Variants in SLC25A21 observed in about 807,000 individuals in gnomAD.
SLC25A21 encodes solute carrier family 25 member 21, also known as mitochondrial 2-oxodicarboxylate carrier.
Under a neutral mutation model 43.8 loss-of-function variants are expected in SLC25A21, and 47 were observed. The observed-to-expected ratio is 1.07, with a 90% CI of 0.85 to 1.37. The LOEUF (loss-of-function observed/expected upper bound fraction) is 1.37. Among genes scored for constraint, SLC25A21 ranks in the 40% most tolerant of loss-of-function variants. SLC25A21 has a pLI of 0.00. For synonymous variants in SLC25A21, 131 were observed against 121.3 expected (o/e 1.08, Z -0.52); for missense variants, 352 against 350.2 (o/e 1.00, Z -0.04).
chr14:36,992,417 T>A (rs1189348066), intron 1 of SLC25A21, among the ~76,000 whole-genome samples: 2 of 148,182 alleles, frequency 1.3e-5, no homozygotes, highest in African/African-American at 4.9e-5. Context: ...TATAAAAAAA[T>A]AAATAAATAA....
intron 1 of SLC25A21, among the ~76,000 whole-genome samples, chr14:37,052,037 T>G (rs930944174): frequency 6.6e-6 from 1 of 152,184 alleles, no homozygotes; most frequent in Non-Finnish European, 1.5e-5. Context: ...TGCTTTACAC[T>G]GTGGCTTTAT....
At chr14:36,802,518 A>C (rs1887902083) in intron 3 of SLC25A21, among the ~76,000 whole-genome samples, 1 of 152,206 alleles carries the variant, frequency 6.6e-6, no homozygotes, top group African/African-American at 2.4e-5. Context: ...TCCATATTAC[A>C]AATGAGAAAA....
intron 1 of SLC25A21, among the ~76,000 whole-genome samples, chr14:36,935,160 TAG>T (rs1322757829): frequency 4.6e-5 from 7 of 152,178 alleles, no homozygotes; most frequent in African/African-American, 1.4e-4. Flanking sequence ...CTGGCTGGTA[TAG>T]AGTTTCTAAC....
At chr14:36,868,311 C>T (rs1030975346) in intron 2 of SLC25A21, among the ~76,000 whole-genome samples, 1 of 152,074 alleles carries the variant, frequency 6.6e-6, no homozygotes, top group Non-Finnish European at 1.5e-5. Context: ...ATAAACAGAA[C>T]TATAAAACAA....
intron 1 of SLC25A21, among the ~76,000 whole-genome samples, chr14:37,142,715 G>A (rs1313110870): frequency 6.6e-6 from 1 of 152,066 alleles, no homozygotes; most frequent in Non-Finnish European, 1.5e-5. Flanking sequence ...AATTACCTCC[G>A]AGGATACACA....
chr14:36,687,173 G>A (rs1240836721), intron 7 of SLC25A21, among the ~76,000 whole-genome samples: 3 of 152,104 alleles, frequency 2.0e-5, no homozygotes, highest in Non-Finnish European at 2.9e-5. Flanking sequence ...GGCTGCTCTC[G>A]AACTCCTGAC....
intron 1 of SLC25A21, among the ~76,000 whole-genome samples, chr14:37,167,006 A>C (rs188766906): frequency 1.8e-4 from 28 of 152,328 alleles, no homozygotes; most frequent in Admixed American, 1.6e-3. Flanking sequence ...TAGCTTCAAA[A>C]AAGAAAAAAA....
At chr14:36,702,581 T>C (rs1017001201) in intron 7 of SLC25A21, among the ~76,000 whole-genome samples, 3 of 152,106 alleles carry the variant, frequency 2.0e-5, no homozygotes, top group Non-Finnish European at 2.9e-5. Context: ...AGAATACTTG[T>C]TTATAAATTC....
chr14:37,135,105 T>C (rs566257912), intron 1 of SLC25A21, among the ~76,000 whole-genome samples: 10 of 152,060 alleles, frequency 6.6e-5, no homozygotes, highest in Non-Finnish European at 8.8e-5. Flanking sequence ...TTCTTGTACT[T>C]TTAGTAGAGA....
At chr14:36,989,671 C>T (rs187031448) in intron 1 of SLC25A21, among the ~76,000 whole-genome samples, 4 of 152,184 alleles carry the variant, frequency 2.6e-5, no homozygotes, top group Non-Finnish European at 4.4e-5. Flanking sequence ...TCATTTGGGG[C>T]CATGTTGGGA....
intron 1 of SLC25A21, among the ~76,000 whole-genome samples, chr14:37,122,015 T>C (rs1180889426): frequency 2.6e-5 from 4 of 152,140 alleles, no homozygotes; most frequent in East Asian, 3.9e-4. Context: ...CAGTTTTATA[T>C]AACATTTTTA....
At position 36,684,898 on chromosome 14, in the gene SLC25A21, AT is replaced by A; in HGVS notation, c.630del (p.Lys210AsnfsTer11). 1 of 1,609,606 alleles carries A rather than the reference AT, an allele frequency of 6.2e-7. No homozygotes were observed. The highest frequency in any genetic ancestry group is 8.5e-7 in the Non-Finnish European group (1 of 1,178,936). ...NKDPILEFWR[K>X]FGIGLLSGTI... is the part of the protein sequence containing the mutation. ...GTCCCCGAGAGAAGACCAATCCCAA[AT>A]TTTCTCCAAAACTCCAAGATTGGAT... On this transcript the variant is annotated frameshift_variant, in exon 8 of 10. Coordinates refer to ENST00000331299, the MANE Select transcript of SLC25A21 (RefSeq NM_030631.4). LOFTEE classifies it high-confidence loss of function.
At position 36,680,583 on chromosome 14, in the gene SLC25A21, C is replaced by CGAT; in HGVS notation, c.*72_*74dup. On this transcript the variant is annotated 3_prime_UTR_variant, in exon 10 of 10. Coordinates refer to ENST00000331299, the MANE Select transcript of SLC25A21 (RefSeq NM_030631.4). ...CTTCATAATTATACACCTGGCCGAT[C>CGAT]GATAGTCTCTCTTCTTCATGGTGCT... 10 of 1,533,918 alleles carry CGAT rather than the reference C, an allele frequency of 6.5e-6. No individual in the cohort carries two copies. Among genetic ancestry groups the CGAT allele is most frequent in the African/African-American group, 1.4e-5 (1 of 71,724 alleles).
intron 1 of SLC25A21, among the ~76,000 whole-genome samples, chr14:37,159,859 T>C (rs8013685): frequency 0.4 from 60,023 of 151,878 alleles, 12,748 homozygotes; most frequent in African/African-American, 0.56. Flanking sequence ...TATAAGAAAC[T>C]CAAACAACTC....
intron 7 of SLC25A21, among the ~76,000 whole-genome samples, chr14:36,699,185 C>G (rs1323055071): frequency 6.6e-6 from 1 of 151,828 alleles, no homozygotes; most frequent in Non-Finnish European, 1.5e-5. Flanking sequence ...CAGTCAGGTC[C>G]CTCAGCTGCA....
chr14:36,815,804 C>A (rs1888434349), intron 2 of SLC25A21, among the ~76,000 whole-genome samples: 2 of 152,074 alleles, frequency 1.3e-5, no homozygotes, highest in Admixed American at 1.3e-4. Context: ...CCTGCCTATT[C>A]CTTGTGCTTT....
At chr14:37,109,308 C>G (rs562203774) in intron 1 of SLC25A21, among the ~76,000 whole-genome samples, 23 of 151,650 alleles carry the variant, frequency 1.5e-4, no homozygotes, top group Non-Finnish European at 3.1e-4. Flanking sequence ...AACAACTAAC[C>G]CTGCTTCATT....
chr14:36,912,038 C>T (rs1891699516), intron 1 of SLC25A21, among the ~76,000 whole-genome samples: 1 of 152,010 alleles, frequency 6.6e-6, no homozygotes, highest in Non-Finnish European at 1.5e-5. Context: ...AAAATGTTTT[C>T]TCTGTGTAGT....
chr14:36,797,859 A>G (rs1195018205), intron 3 of SLC25A21, among the ~76,000 whole-genome samples: 1 of 152,216 alleles, frequency 6.6e-6, no homozygotes, highest in African/African-American at 2.4e-5. Context: ...ATTTGCCCCA[A>G]TAAACATTAG....
Sources: allele counts gnomAD v4.1 joint callset (sites outside exome capture counted in the v4.1 genomes callset), GRCh38; gene constraint gnomAD v4.1.1; transcripts MANE v1.5; gene names NCBI Gene and HGNC (gene_info 2026-07-23, HGNC 2026-07-21).